The following R3HDM1 variants were observed in gnomAD, a reference collection of about 807,000 sequenced individuals.
The protein encoded by R3HDM1 is R3H domain-containing protein 1.
In R3HDM1, 46 loss-of-function variants were observed where a neutral mutation model predicts 141.1. The observed-to-expected ratio is 0.33, with a 90% CI of 0.26 to 0.42. The LOEUF (loss-of-function observed/expected upper bound fraction) is 0.42. Among genes scored for constraint, R3HDM1 ranks in the 10% least tolerant of loss-of-function variants. R3HDM1 has a pLI of 1.00. For missense variants in R3HDM1, 1,184 were observed against 1,368.3 expected, an observed-to-expected ratio of 0.87 and a Z score of 2.12; for synonymous variants, 435 against 472.9, an observed-to-expected ratio of 0.92 and a Z score of 1.04.
chr2:135,566,761 G>A (rs1159274616), intron 1 of R3HDM1: 3 of 985,340 alleles, frequency 3.0e-6, no homozygotes, highest in South Asian at 4.7e-5. Flanking sequence ...AAAACTGTAA[G>A]CCCAGCGCGG....
chr2:135,723,928 C>G lies in R3HDM1; in HGVS notation c.3050-9C>G. On this transcript the variant is annotated splice_polypyrimidine_tract_variant and intron_variant, in intron 26 of 26. Coordinates refer to ENST00000683871, the MANE Select transcript of R3HDM1 (RefSeq NM_001378107.1). ...GGAATGTATTGATTCTGTACCTTTT[C>G]TATTCTAGTTGTTGGGAAGGTCTTG... The G allele has an allele frequency of 3.1e-6, 5 of 1,596,326 alleles. No individual in the cohort carries two copies. The highest frequency in any genetic ancestry group is 4.3e-6 in the Non-Finnish European group (5 of 1,167,638).
intron 24 of R3HDM1, among the ~76,000 whole-genome samples, chr2:135,719,224 G>C (rs959452377): frequency 1.3e-5 from 2 of 152,026 alleles, no homozygotes; most frequent in East Asian, 3.9e-4. Flanking sequence ...AACAGTATGC[G>C]TCATACAGTC....
At chr2:135,569,758 G>A (rs959975933) in intron 1 of R3HDM1, among the ~76,000 whole-genome samples, 6 of 140,894 alleles carry the variant, frequency 4.3e-5, no homozygotes, top group African/African-American at 1.5e-4. Context: ...AGGGAGTCTC[G>A]CTCTGTCACT....
chr2:135,653,729 T>G (rs976759269), intron 18 of R3HDM1, among the ~76,000 whole-genome samples: 1 of 152,150 alleles, frequency 6.6e-6, no homozygotes, highest in African/African-American at 2.4e-5. Context: ...CAGTGGCTTA[T>G]GCCTGTAATC....
intron 1 of R3HDM1, among the ~76,000 whole-genome samples, chr2:135,551,634 C>A (rs760922664): frequency 6.6e-6 from 1 of 152,218 alleles, no homozygotes; most frequent in Non-Finnish European, 1.5e-5. Flanking sequence ...TTCAAACTCA[C>A]ATTAGTGAAG....
At chr2:135,587,159 A>C (rs1401988706) in intron 1 of R3HDM1, among the ~76,000 whole-genome samples, 1 of 152,182 alleles carries the variant, frequency 6.6e-6, no homozygotes, top group Non-Finnish European at 1.5e-5. Flanking sequence ...CTTATTCCTA[A>C]TTATACAGTC....
intron 5 of R3HDM1, chr2:135,620,782 T>A: frequency 5.2e-6 from 2 of 385,244 alleles, no homozygotes; most frequent in Non-Finnish European, 7.1e-6. Context: ...AGTAATCCCT[T>A]TGGGTTCTGG....
At chr2:135,632,108 T>G in intron 9 of R3HDM1, 107 bp downstream of exon 9, 2 of 998,572 alleles carry the variant, frequency 2.0e-6, no homozygotes, top group Non-Finnish European at 2.7e-6. Context: ...ACAGTCTAAT[T>G]AAGTTTTATG....
At chr2:135,712,152 A>G (rs1192037345) in intron 23 of R3HDM1, among the ~76,000 whole-genome samples, 2 of 152,122 alleles carry the variant, frequency 1.3e-5, no homozygotes, top group Non-Finnish European at 2.9e-5. Flanking sequence ...ATACTTTTAT[A>G]TACTTGAAAT....
intron 5 of R3HDM1, chr2:135,620,188 A>T: frequency 2.0e-6 from 1 of 491,040 alleles, no homozygotes; most frequent in Non-Finnish European, 2.6e-6. Context: ...AAGAGGAGGT[A>T]GTGTGAAATC....
chr2:135,642,673 C>T (rs1334711221), intron 15 of R3HDM1, among the ~76,000 whole-genome samples: 1 of 152,052 alleles, frequency 6.6e-6, no homozygotes, highest in African/African-American at 2.4e-5. Context: ...GATGTGGTCT[C>T]ATCATAATGG....
chr2:135,663,797 C>T (rs1178496484), intron 19 of R3HDM1, among the ~76,000 whole-genome samples: 10 of 152,080 alleles, frequency 6.6e-5, no homozygotes, highest in Admixed American at 2.0e-4. Context: ...GAGGCCAAGG[C>T]GGGTGGATCA....
At chr2:135,565,346 T>C (rs965028220) in intron 1 of R3HDM1, among the ~76,000 whole-genome samples, 1 of 147,624 alleles carries the variant, frequency 6.8e-6, no homozygotes, top group African/African-American at 2.5e-5. Flanking sequence ...TTATTATTAT[T>C]ATTATTATTA....
At chr2:135,602,852 TG>T in intron 2 of R3HDM1, 144 bp downstream of exon 2, 1 of 671,158 alleles carries the variant, frequency 1.5e-6, no homozygotes, top group Non-Finnish European at 2.3e-6. Flanking sequence ...AATTAACTTT[TG>T]TATGGGTTAT....
chr2:135,709,315 C>T (rs2075342845), intron 21 of R3HDM1, 118 bp from the exon 22 acceptor site: 4 of 1,366,166 alleles, frequency 2.9e-6, no homozygotes, highest in Admixed American at 2.5e-5. Flanking sequence ...CCTCGTGATC[C>T]GCCCGCCTTG....
chr2:135,724,289 G>A lies in R3HDM1; in HGVS notation c.3402G>A (p.Gln1134=). ...DFHILERASS[Q] is the part of the protein sequence containing the mutation. ...ACATTTTGGAAAGGGCAAGTTCTCA[G>A]TAACAGCCACCTTTGGACCCTTCGC... The change falls in exon 27 of 27, where the codon CAG becomes CAA. Residue 1134 remains glutamine, a synonymous_variant. Coordinates refer to ENST00000683871, the MANE Select transcript of R3HDM1 (RefSeq NM_001378107.1). 1 of 1,601,642 alleles carries A rather than the reference G, an allele frequency of 6.2e-7. No homozygotes were observed. Among genetic ancestry groups the A allele is most frequent in the Non-Finnish European group, 8.5e-7 (1 of 1,170,878 alleles).
chr2:135,665,836 C>A (rs998020280), intron 19 of R3HDM1, among the ~76,000 whole-genome samples: 2 of 152,172 alleles, frequency 1.3e-5, no homozygotes, highest in African/African-American at 4.8e-5. Flanking sequence ...TATATGAAAG[C>A]ATGACATCAA....
At chr2:135,591,537 C>G (rs1270164721) in intron 1 of R3HDM1, among the ~76,000 whole-genome samples, 1 of 152,190 alleles carries the variant, frequency 6.6e-6, no homozygotes, top group African/African-American at 2.4e-5. Flanking sequence ...AGATTATGCT[C>G]ATAATGATGT....
At chr2:135,700,540 G>A (rs148512698) in intron 21 of R3HDM1, among the ~76,000 whole-genome samples, 10 of 152,198 alleles carry the variant, frequency 6.6e-5, no homozygotes, top group Non-Finnish European at 1.3e-4. Flanking sequence ...GTTTAAAAAG[G>A]CAGAAAACCA....
Sources: gnomAD v4.1 joint callset for allele counts (sites outside exome capture counted in the v4.1 genomes callset) on GRCh38, gnomAD v4.1.1 for gene constraint, MANE v1.5 for transcripts, NCBI Gene and HGNC (gene_info 2026-07-23, HGNC 2026-07-21) for gene names.